KLHL3: variants seen among roughly 807,000 people sequenced by gnomAD.
The protein encoded by KLHL3 is kelch like family member 3.
Under a neutral mutation model 70.5 loss-of-function variants are expected in KLHL3, and 19 were observed. That is an observed-to-expected ratio of 0.27 (90% CI 0.19 to 0.40). The LOEUF (loss-of-function observed/expected upper bound fraction) is 0.40. KLHL3 is among the 10% of genes least tolerant of loss of function. KLHL3 has a pLI of 1.00. For missense variants in KLHL3, 512 were observed against 771.1 expected (o/e 0.66, Z 3.98); for synonymous variants, 258 against 290.3 (o/e 0.89, Z 1.13).
intron 5 of KLHL3, among the ~76,000 whole-genome samples, chr5:137,681,631 CG>C (rs1299210286): frequency 1.3e-5 from 2 of 151,918 alleles, no homozygotes; most frequent in African/African-American, 2.4e-5. Flanking sequence ...ATGCATGTGC[CG>C]GGGGCATAGT....
intron 13 of KLHL3, among the ~76,000 whole-genome samples, chr5:137,627,477 A>T (rs10074817): frequency 1.3e-5 from 1 of 79,422 alleles, no homozygotes; most frequent in Non-Finnish European, 2.5e-5. Flanking sequence ...AAATATCACC[A>T]CCCCCCCCCC....
intron 3 of KLHL3, among the ~76,000 whole-genome samples, chr5:137,709,388 T>C (rs1414384842): frequency 6.6e-6 from 1 of 152,230 alleles, no homozygotes; most frequent in East Asian, 1.9e-4. Flanking sequence ...TTCCCTTGTC[T>C]CAGCCTCAGT....
rs181327059 is a variant in KLHL3 at position 137,662,811 on chromosome 5, T to C, written c.637-780A>G. On this transcript the variant is annotated intron_variant, in intron 6 of 14. Coordinates refer to ENST00000309755, the MANE Select transcript of KLHL3 (RefSeq NM_017415.3). ...TGATTTTTAAGAGGGGAGGGAAGTA[T>C]TGGCAATATCGATCAAAATTTTAAA... Among the ~76,000 whole-genome samples the C allele has an allele frequency of 1.6e-3, 237 of 152,294 alleles. 1 individual carries two copies. Among genetic ancestry groups the C allele is most frequent in the African/African-American group, 5.5e-3 (230 of 41,554 alleles).
At chr5:137,660,191 C>T (rs1751437930) in intron 7 of KLHL3, among the ~76,000 whole-genome samples, 1 of 152,208 alleles carries the variant, frequency 6.6e-6, no homozygotes, top group African/African-American at 2.4e-5. Context: ...CCTCTGACCC[C>T]CTTCTTTTCC....
chr5:137,642,416 C>T (rs141157937), intron 8 of KLHL3, among the ~76,000 whole-genome samples: 56 of 152,272 alleles, frequency 3.7e-4, no homozygotes, highest in Admixed American at 6.5e-4. Flanking sequence ...ACTACATATC[C>T]GTCCTCTGAG....
intron 5 of KLHL3, among the ~76,000 whole-genome samples, chr5:137,683,308 A>G (rs1440128006): frequency 1.3e-5 from 2 of 152,188 alleles, no homozygotes; most frequent in Non-Finnish European, 2.9e-5. Context: ...CAGGGCCAGC[A>G]GCCCCAGGGA....
chr5:137,639,116 C>CA lies in KLHL3; in HGVS notation c.1055dup (p.Gly354ArgfsTer3). ...CCCGCAGTGAGCCATTAAACCCTCCCACGGCATACACGTGGCCAGCCATGA... is the reference window on the plus strand; with the variant it reads ...CCCGCAGTGAGCCATTAAACCCTCCCAACGGCATACACGTGGCCAGCCATGA... On this transcript the variant is annotated frameshift_variant, in exon 10 of 15. Coordinates refer to ENST00000309755, the MANE Select transcript of KLHL3 (RefSeq NM_017415.3). LOFTEE classifies it high-confidence loss of function. The surrounding 1 kb of genome is among the most constrained non-coding windows in gnomAD (Gnocchi z 5.0). 6 of 1,613,954 alleles carry CA rather than the reference C, an allele frequency of 3.7e-6. No individual in the cohort carries two copies. Among genetic ancestry groups the CA allele is most frequent in the Non-Finnish European group, 5.1e-6 (6 of 1,179,948 alleles).
rs557570414 is a variant in KLHL3, at chr5:137,646,179, A to G, written c.904-6202T>C. 1.8e-4 allele frequency among the ~76,000 whole-genome samples: 28 copies of G among 152,242 alleles called. No homozygotes were observed. The South Asian group carries it at 3.1e-3, about 17-fold the overall frequency. ...TATATGAATGACCAACAAGTATATG[A>G]AAAAAAATGCTCAACATCACTATTT... On this transcript the variant is annotated intron_variant, in intron 8 of 14. Coordinates refer to ENST00000309755, the MANE Select transcript of KLHL3 (RefSeq NM_017415.3).
chr5:137,627,035 G>T (rs1355726809), intron 13 of KLHL3, among the ~76,000 whole-genome samples: 1 of 151,436 alleles, frequency 6.6e-6, no homozygotes, highest in Non-Finnish European at 1.5e-5. Context: ...TTATTCTAAA[G>T]AAATAATTTT....
At chr5:137,702,169 T>C (rs904180402) in intron 3 of KLHL3, among the ~76,000 whole-genome samples, 5 of 152,082 alleles carry the variant, frequency 3.3e-5, no homozygotes, top group African/African-American at 1.2e-4. Flanking sequence ...AGATGTCAAA[T>C]GTTAGAAAAG....
At chr5:137,694,766 C>T (rs534719776) in intron 4 of KLHL3, among the ~76,000 whole-genome samples, 1 of 152,214 alleles carries the variant, frequency 6.6e-6, no homozygotes, top group South Asian at 2.1e-4. Flanking sequence ...GAAGGCCCCT[C>T]GCTTCTGGGC....
At chr5:137,692,532 C>A in intron 4 of KLHL3, 85 bp from the exon 5 acceptor site, 1 of 1,328,952 alleles carries the variant, frequency 7.5e-7, no homozygotes, top group South Asian at 1.3e-5. Flanking sequence ...CTCCCATGCT[C>A]AAGATCTTTT....
At chr5:137,636,028 G>A (rs1364648603) in intron 11 of KLHL3, among the ~76,000 whole-genome samples, 1 of 152,098 alleles carries the variant, frequency 6.6e-6, no homozygotes, top group Non-Finnish European at 1.5e-5. Context: ...AGGAACAAGA[G>A]AAGAAATGAG....
At chr5:137,707,967 G>A (rs1015094861) in intron 3 of KLHL3, among the ~76,000 whole-genome samples, 2 of 152,080 alleles carry the variant, frequency 1.3e-5, no homozygotes, top group African/African-American at 2.4e-5. Flanking sequence ...GCTATTTATT[G>A]AAGTTACAGC....
At chr5:137,722,849 T>C (rs1753022378) in intron 1 of KLHL3, among the ~76,000 whole-genome samples, 1 of 152,062 alleles carries the variant, frequency 6.6e-6, no homozygotes, top group Non-Finnish European at 1.5e-5. Context: ...GTATTTTTAG[T>C]AGAAATGGGG....
intron 8 of KLHL3, among the ~76,000 whole-genome samples, chr5:137,651,105 G>GA (rs1208894956): frequency 6.6e-6 from 1 of 152,090 alleles, no homozygotes; most frequent in Non-Finnish European, 1.5e-5. Flanking sequence ...AGCCCATCAG[G>GA]AAAAAATGAG....
intron 4 of KLHL3, among the ~76,000 whole-genome samples, 162 bp downstream of exon 4, chr5:137,698,125 C>T (rs1322129047): frequency 6.6e-6 from 1 of 152,250 alleles, no homozygotes; most frequent in Non-Finnish European, 1.5e-5. Context: ...GCTCGACCAC[C>T]TCCTGGCCAT....
rs1431978504 is a variant in KLHL3, at chr5:137,618,198, C to T, written c.*3900G>A. On this transcript the variant is annotated 3_prime_UTR_variant, in exon 15 of 15. Transcript: ENST00000309755. The stretch of plus-strand genomic sequence containing the variant: ...GCTTAAAAAAATTACATTCTAACCT[C>T]CTTGCTTCTCCAGGCAAACAGAGCC... 1 of 152,554 alleles carries T rather than the reference C, an allele frequency of 6.6e-6. No homozygotes were observed. Among genetic ancestry groups the T allele is most frequent in the Admixed American group, 6.5e-5 (1 of 15,274 alleles). The allele number at this position is 152,554 out of a possible 1,614,324, so 9.5% of individuals were successfully genotyped here.
intron 8 of KLHL3, among the ~76,000 whole-genome samples, chr5:137,655,272 A>G (rs1751309061): frequency 6.6e-6 from 1 of 152,210 alleles, no homozygotes; most frequent in African/African-American, 2.4e-5. Context: ...AGATCATAAT[A>G]AAGATAGTAT....
Sources: allele counts gnomAD v4.1 joint callset (sites outside exome capture counted in the v4.1 genomes callset), GRCh38; gene constraint gnomAD v4.1.1; non-coding constraint Gnocchi (gnomAD v3.1); transcripts MANE v1.5; gene names NCBI Gene and HGNC (gene_info 2026-07-23, HGNC 2026-07-21).